ROPN1L: variants seen among roughly 807,000 people sequenced by gnomAD.
ROPN1L encodes the protein ropporin-1-like protein.
A neutral mutation model predicts 22.7 loss-of-function variants in ROPN1L; 23 were observed. That is an observed-to-expected ratio of 1.01 (90% CI 0.73 to 1.43). ROPN1L has a LOEUF of 1.43. Among genes scored for constraint, ROPN1L ranks in the 40% most tolerant of loss-of-function variants. The probability of loss-of-function intolerance (pLI) is 0.00; values close to 1 mark genes in which losing one functional copy is unlikely to be tolerated. For synonymous variants in ROPN1L, 116 were observed against 117.8 expected (o/e 0.98, Z 0.10); for missense variants, 271 against 291.5 (o/e 0.93, Z 0.51).
At chr5:10,478,373 G>C in the ROPN1L span, among the ~76,000 whole-genome samples, 1 of 152,130 alleles carries the variant, frequency 6.6e-6, no homozygotes. Flanking sequence ...AGGGGCTTCC[G>C]CAACAGAGAT....
chr5:10,455,806 C>CAGAGGCTTTTAAAAACCAGTGCTT (rs1561172842), intron 3 of ROPN1L, among the ~76,000 whole-genome samples: 3 of 32,272 alleles, frequency 9.3e-5, no homozygotes, highest in African/African-American at 1.7e-4. Flanking sequence ...AACCAGTGCT[C>CAGAGGCTTTTAAAAACCAGTGCTT]GGTCAGAGGC....
chr5:10,465,905 G>A (rs2126475334), downstream of ROPN1L, among the ~76,000 whole-genome samples: 1 of 152,212 alleles, frequency 6.6e-6, no homozygotes, highest in East Asian at 1.9e-4. Flanking sequence ...CTCGCCCTTT[G>A]CTCCCTGCCT....
intron 4 of ROPN1L, chr5:10,461,591 C>T: frequency 2.2e-6 from 1 of 445,470 alleles, no homozygotes; most frequent in Non-Finnish European, 4.0e-6. Context: ...TCTACCCTGT[C>T]TACCTGGAGA....
Position 10,442,147 on chromosome 5 carries a change from T to G in ROPN1L, c.-21T>G, listed in dbSNP as rs1391750704. Reference sequence around the variant, plus strand: ...CGCAGCGCGCCGCGATTCACCAGCCTGGTCCCTTCTGCGGAGAGCGATGCC... The same window carrying G: ...CGCAGCGCGCCGCGATTCACCAGCCGGGTCCCTTCTGCGGAGAGCGATGCC... On this transcript the variant is annotated 5_prime_UTR_variant, in exon 1 of 5. Transcript: ENST00000274134. 1 of 1,609,904 alleles carries G rather than the reference T, an allele frequency of 6.2e-7. No homozygotes were observed.
chr5:10,474,855 G>C (rs1221886481), downstream of ROPN1L, among the ~76,000 whole-genome samples: 1 of 152,134 alleles, frequency 6.6e-6, no homozygotes, highest in Non-Finnish European at 1.5e-5. Flanking sequence ...TTGCTGATTT[G>C]GTGGTTTTTT....
intron 1 of ROPN1L, among the ~76,000 whole-genome samples, chr5:10,445,229 C>T (rs1338412557): frequency 6.6e-6 from 1 of 152,130 alleles, no homozygotes; most frequent in African/African-American, 2.4e-5. Flanking sequence ...TCCTGGCCTC[C>T]CAAAGTGGTG....
intron 1 of ROPN1L, among the ~76,000 whole-genome samples, chr5:10,442,638 T>A (rs1041263848): frequency 6.6e-6 from 1 of 152,222 alleles, no homozygotes; most frequent in African/African-American, 2.4e-5. Context: ...GTTAAAAAAA[T>A]TACACGGTTG....
chr5:10,441,908 T>G lies in ROPN1L; in HGVS notation c.-260T>G, dbSNP rs866529804. On this transcript the variant is annotated 5_prime_UTR_variant, in exon 1 of 5. Coordinates refer to ENST00000274134, the MANE Select transcript of ROPN1L (RefSeq NM_031916.5). ...CCCGGGTGCCTGGATACCGAGCGCG[T>G]CCGTAGTGGCGGCTGGCGCTAGGGA... 2 of 304,864 alleles carry G rather than the reference T, an allele frequency of 6.6e-6. No homozygotes were observed. Among genetic ancestry groups the G allele is most frequent in the Non-Finnish European group, 1.2e-5 (2 of 162,594 alleles). 18.9% of individuals were successfully genotyped at this position (304,864 alleles called of 1,614,324 possible).
the ROPN1L span, among the ~76,000 whole-genome samples, chr5:10,482,708 C>G: frequency 3.3e-5 from 5 of 152,248 alleles, no homozygotes; most frequent in African/African-American, 1.2e-4. Context: ...AATTTCCCCT[C>G]AAATTTCAGG....
chr5:10,471,067 G>A (rs1735237907), intron 4 of ROPN1L, among the ~76,000 whole-genome samples: 1 of 152,232 alleles, frequency 6.6e-6, no homozygotes, highest in South Asian at 2.1e-4. Context: ...CAAAGGAAAG[G>A]TGAAGAGTAA....
intron 3 of ROPN1L, among the ~76,000 whole-genome samples, chr5:10,457,853 G>A (rs528663835): frequency 3.3e-5 from 5 of 152,134 alleles, no homozygotes; most frequent in East Asian, 3.9e-4. Context: ...TGTTTCTTGC[G>A]CTTCCCTTGG....
In ROPN1L at chr5:10,464,979, A is replaced by G; in HGVS notation, c.*32A>G. Reference sequence around the variant, plus strand: ...GAAGAATACATTTTAATGTCAAAATAGTGCTCTTTAAAATTCTGGCACCAA... The same window carrying G: ...GAAGAATACATTTTAATGTCAAAATGGTGCTCTTTAAAATTCTGGCACCAA... On this transcript the variant is annotated 3_prime_UTR_variant, in exon 5 of 5. Coordinates refer to ENST00000274134, the MANE Select transcript of ROPN1L (RefSeq NM_031916.5). The G allele has an allele frequency of 2.3e-6, 3 of 1,321,590 alleles. No homozygotes were observed. The highest frequency in any genetic ancestry group is 3.2e-6 in the Non-Finnish European group (3 of 941,948). The allele number at this position is 1,321,590 out of a possible 1,614,324, so 81.9% of individuals were successfully genotyped here.
intron 3 of ROPN1L, among the ~76,000 whole-genome samples, chr5:10,451,383 A>G (rs1741246672): frequency 6.6e-6 from 1 of 152,166 alleles, no homozygotes; most frequent in Admixed American, 6.5e-5. Context: ...AAGCAATGAC[A>G]TTTCTGAAGT....
intron 1 of ROPN1L, among the ~76,000 whole-genome samples, chr5:10,446,696 C>A (rs1741077163): frequency 2.0e-5 from 3 of 149,800 alleles, no homozygotes. Context: ...TTGCCAAATG[C>A]CTTTTGGCTG....
At chr5:10,460,920 T>C (rs559444613) in intron 3 of ROPN1L, among the ~76,000 whole-genome samples, 2 of 152,386 alleles carry the variant, frequency 1.3e-5, no homozygotes, top group East Asian at 3.9e-4. Context: ...CTTTTGTCTG[T>C]AACAGTCATT....
At chr5:10,447,952 G>A (rs1741122965) in intron 1 of ROPN1L, among the ~76,000 whole-genome samples, 1 of 152,156 alleles carries the variant, frequency 6.6e-6, no homozygotes, top group Admixed American at 6.5e-5. Flanking sequence ...CAGGGAGGAG[G>A]GGAAGAATCA....
At chr5:10,462,914 T>C (rs929271322) in intron 4 of ROPN1L, among the ~76,000 whole-genome samples, 14 of 151,868 alleles carry the variant, frequency 9.2e-5, no homozygotes, top group Admixed American at 7.2e-4. Flanking sequence ...ATAATAATAA[T>C]AATAATAATA....
At chr5:10,455,640 C>T (rs1445119123) in intron 3 of ROPN1L, among the ~76,000 whole-genome samples, 10 of 152,246 alleles carry the variant, frequency 6.6e-5, no homozygotes, top group East Asian at 5.8e-4. Flanking sequence ...ACCCCAGCCA[C>T]GGGGTGAACT....
intron 1 of ROPN1L, among the ~76,000 whole-genome samples, chr5:10,448,007 C>G (rs1269203335): frequency 2.6e-5 from 4 of 152,190 alleles, no homozygotes; most frequent in Non-Finnish European, 1.5e-5. Flanking sequence ...CTGCGCCAAG[C>G]CCTTCTCACA....
Sources: allele counts gnomAD v4.1 joint callset (sites outside exome capture counted in the v4.1 genomes callset), GRCh38; gene constraint gnomAD v4.1.1; transcripts MANE v1.5; gene names NCBI Gene and HGNC (gene_info 2026-07-23, HGNC 2026-07-21).